Variants in TBC1D4 observed in about 807,000 individuals in gnomAD.
The protein encoded by TBC1D4 is TBC1 domain family member 4.
A neutral mutation model predicts 142.5 loss-of-function variants in TBC1D4; 121 were observed. The observed-to-expected ratio is 0.85, with a 90% CI of 0.73 to 0.99. The LOEUF (loss-of-function observed/expected upper bound fraction) is 0.99. Ranked by LOEUF, TBC1D4 falls within the 50% of genes least tolerant of loss-of-function variation. The pLI is 0.00. For missense variants in TBC1D4, 1,475 were observed against 1,606.6 expected (o/e 0.92, Z 1.40); for synonymous variants, 630 against 628.2 (o/e 1.00, Z -0.04).
At chr13:75,428,438 T>A (rs995052674) in intron 1 of TBC1D4, among the ~76,000 whole-genome samples, 6 of 152,188 alleles carry the variant, frequency 3.9e-5, no homozygotes, top group Admixed American at 2.6e-4. Flanking sequence ...TTGGATTAAA[T>A]ACAGTAATGG....
At chr13:75,377,896 T>C (rs7139762) in intron 1 of TBC1D4, among the ~76,000 whole-genome samples, 71,572 of 151,544 alleles carry the variant, frequency 0.47, 17,949 homozygotes, top group South Asian at 0.71. Context: ...TAGCATACAA[T>C]TATATATTAA....
At chr13:75,440,769 A>G (rs1593888148) in intron 1 of TBC1D4, among the ~76,000 whole-genome samples, 1 of 148,086 alleles carries the variant, frequency 6.8e-6, no homozygotes. Flanking sequence ...ACAGGGTCTC[A>G]TTATGTTGTC....
At chr13:75,343,403 A>G (rs1350913704) in intron 5 of TBC1D4, among the ~76,000 whole-genome samples, 2 of 152,170 alleles carry the variant, frequency 1.3e-5, no homozygotes, top group Non-Finnish European at 2.9e-5. Context: ...TCCACTCCAC[A>G]TTTCTTTGTG....
chr13:75,356,097 T>C (rs747796384), intron 4 of TBC1D4, 50 bp downstream of exon 4: 12 of 1,414,392 alleles, frequency 8.5e-6, no homozygotes, highest in Non-Finnish European at 1.2e-5. Context: ...AAGTCTTCTG[T>C]TCGACAGATG....
rs1469313581 is a variant in TBC1D4 at position 75,285,707 on chromosome 13, A to G, written c.*1085T>C. 6.5e-6 allele frequency: 1 copy of G among 152,676 alleles called. No individual in the cohort carries two copies. Among genetic ancestry groups the G allele is most frequent in the East Asian group, 1.9e-4 (1 of 5,198 alleles). 9.5% of individuals were successfully genotyped at this position (152,676 alleles called of 1,614,324 possible). A position where few individuals can be genotyped will look rare whatever the true frequency, so the allele number is the denominator to read the frequency against. ...AAAACTTTTCACATAAAAGGGGAAG[A>G]TTATTAAAGCTTATTAGATTCTGTC... is the stretch of plus-strand genomic sequence containing the variant. On this transcript the variant is annotated 3_prime_UTR_variant, in exon 21 of 21. Transcript: ENST00000377636.
intron 1 of TBC1D4, among the ~76,000 whole-genome samples, chr13:75,398,992 C>T (rs973230420): frequency 6.6e-6 from 1 of 152,164 alleles, no homozygotes; most frequent in Non-Finnish European, 1.5e-5. Context: ...ACAGAGTAGA[C>T]TGTAATTTGA....
intron 1 of TBC1D4, among the ~76,000 whole-genome samples, chr13:75,401,047 A>G (rs1885064575): frequency 6.6e-6 from 1 of 152,176 alleles, no homozygotes; most frequent in Admixed American, 6.5e-5. Flanking sequence ...TCCTTTACAT[A>G]ATATTAGTGT....
At chr13:75,462,561 T>C (rs545041908) in intron 1 of TBC1D4, among the ~76,000 whole-genome samples, 2 of 150,708 alleles carry the variant, frequency 1.3e-5, no homozygotes, top group African/African-American at 4.9e-5. Context: ...AAAAAAAGAT[T>C]TGACAAAGCA....
chr13:75,330,889 G>A (rs576161336), intron 8 of TBC1D4, among the ~76,000 whole-genome samples: 1 of 152,186 alleles, frequency 6.6e-6, no homozygotes, highest in African/African-American at 2.4e-5. Flanking sequence ...GTAAAGATGA[G>A]ATTGCTGTTA....
intron 1 of TBC1D4, among the ~76,000 whole-genome samples, chr13:75,431,172 T>A (rs1321623227): frequency 2.6e-5 from 4 of 152,234 alleles, no homozygotes; most frequent in Non-Finnish European, 5.9e-5. Flanking sequence ...ATAACTGGTG[T>A]AATTAGCTAG....
chr13:75,406,425 G>T (rs1351785490), intron 1 of TBC1D4, among the ~76,000 whole-genome samples: 2 of 152,184 alleles, frequency 1.3e-5, no homozygotes, highest in East Asian at 3.9e-4. Context: ...AAACACAAAA[G>T]AATATGCTGT....
rs1229079226 is a variant in TBC1D4 at position 75,315,233 on chromosome 13, A to G, written c.2223-2335T>C. Among the ~76,000 whole-genome samples the G allele has an allele frequency of 2.7e-5, 4 of 149,596 alleles. No homozygotes were observed. The East Asian group carries it at 8.0e-4, about 30-fold the overall frequency. On this transcript the variant is annotated intron_variant, in intron 12 of 20. Transcript: ENST00000377636. ...TGAGGTGGGAGAATCGCTTGAACCC[A>G]GGAGGCAAAGGTTGCAGTGAGCCGA...
At chr13:75,392,989 C>G (rs947938672) in intron 1 of TBC1D4, among the ~76,000 whole-genome samples, 1 of 151,964 alleles carries the variant, frequency 6.6e-6, no homozygotes, top group Non-Finnish European at 1.5e-5. Flanking sequence ...AGCCCTTAAT[C>G]CATCTCTATT....
rs74944456 is a variant in TBC1D4 at position 75,438,558 on chromosome 13, A to T, written c.498+42712T>A. On this transcript the variant is annotated intron_variant, in intron 1 of 20. Coordinates refer to ENST00000377636, the MANE Select transcript of TBC1D4 (RefSeq NM_014832.5). The stretch of plus-strand genomic sequence containing the variant: ...CAGCAAACCTGTCGCTATGTTCTAT[A>T]ACAATGATAGATCTAAAAGGAAGAG... Among the ~76,000 whole-genome samples, 597 of 152,350 alleles carry T rather than the reference A, an allele frequency of 3.9e-3. 18 individuals are homozygous for T. The East Asian group carries it at 0.067, about 17-fold the overall frequency.
At chr13:75,405,263 T>C (rs973214526) in intron 1 of TBC1D4, among the ~76,000 whole-genome samples, 7 of 136,330 alleles carry the variant, frequency 5.1e-5, no homozygotes, top group Admixed American at 1.8e-4. Context: ...TATACATGTA[T>C]ATATGCTTTT....
chr13:75,431,320 T>C (rs1886584688), intron 1 of TBC1D4, among the ~76,000 whole-genome samples: 1 of 152,228 alleles, frequency 6.6e-6, no homozygotes, highest in South Asian at 2.1e-4. Flanking sequence ...ATATGGGTGC[T>C]AGGGTTATAG....
intron 1 of TBC1D4, among the ~76,000 whole-genome samples, chr13:75,380,618 G>A (rs185896680): frequency 2.0e-5 from 3 of 151,490 alleles, no homozygotes; most frequent in African/African-American, 7.3e-5. Context: ...TCACCTTCTC[G>A]GCATTTTATG....
chr13:75,362,284 G>A lies in TBC1D4; in HGVS notation c.822C>T (p.Thr274=), dbSNP rs1394304840. ...CGGCAGGTAAGCCAAGGTGGGTGTC[G>A]GTGCCGTCAGCCTCCTCCGGCAGGC... ...GDCLPEEADG[T]DTHLGLPAGA... The change falls in exon 2 of 21, where the codon ACC becomes ACT. Residue 274 remains threonine (T), a synonymous_variant. Transcript: ENST00000377636. This position sits in a 1 kb window ranked among gnomAD's most constrained non-coding sequence, Gnocchi z 4.2. 8.7e-6 allele frequency: 14 copies of A among 1,613,728 alleles called. No individual in the cohort carries two copies. The South Asian group carries it at 9.9e-5, about 11-fold the overall frequency.
rs746224715 is a variant in TBC1D4 at position 75,349,216 on chromosome 13, C to T, written c.1362G>A (p.Glu454=). The T allele has an allele frequency of 2.7e-5, 44 of 1,613,912 alleles. No individual in the cohort carries two copies. Among genetic ancestry groups the T allele is most frequent in the Non-Finnish European group, 3.5e-5 (41 of 1,179,966 alleles). The change falls in exon 5 of 21, where the codon GAG becomes GAA. Residue 454 remains glutamate, a synonymous_variant. Transcript: ENST00000377636. The part of the protein sequence containing the change: ...QSAKTQIKLC[E]ACPMHSLHKL... ...TATGCAAAGAGTGCATCGGGCAGGC[C>T]TCACACAGTTTAATCTGCGTCTTGG... is the stretch of plus-strand genomic sequence containing the variant.
Sources: gnomAD v4.1 joint callset for allele counts (sites outside exome capture counted in the v4.1 genomes callset) on GRCh38, gnomAD v4.1.1 for gene constraint, Gnocchi (gnomAD v3.1) non-coding constraint, MANE v1.5 for transcripts, NCBI Gene and HGNC (gene_info 2026-07-23, HGNC 2026-07-21) for gene names.